The following ARHGEF26 variants were observed in gnomAD, a reference collection of about 807,000 sequenced individuals.
ARHGEF26 encodes the protein Rho guanine nucleotide exchange factor 26, also known as Rho guanine nucleotide exchange factor (GEF) 26.
Under a neutral mutation model 89.4 loss-of-function variants are expected in ARHGEF26, and 59 were observed. That is an observed-to-expected ratio of 0.66 (90% confidence interval 0.54 to 0.82). ARHGEF26 has a LOEUF of 0.82. ARHGEF26 is among the 40% of genes least tolerant of loss of function. The probability of loss-of-function intolerance (pLI) is 0.00; values close to 1 mark genes in which losing one functional copy is unlikely to be tolerated. For missense variants in ARHGEF26, 1,234 were observed against 1,085.6 expected, an observed-to-expected ratio of 1.14 and a Z score of -1.92; for synonymous variants, 500 against 428.4, an observed-to-expected ratio of 1.17 and a Z score of -2.06.
At chr3:154,188,910 A>G (rs887816032) in intron 7 of ARHGEF26, among the ~76,000 whole-genome samples, 8 of 152,160 alleles carry the variant, frequency 5.3e-5, no homozygotes, top group Non-Finnish European at 1.2e-4. Flanking sequence ...CGCACAATTG[A>G]CATTTTGGAC....
chr3:154,146,418 T>TG (rs1222461805), intron 4 of ARHGEF26, among the ~76,000 whole-genome samples: 1 of 86,068 alleles, frequency 1.2e-5, no homozygotes, highest in Non-Finnish European at 3.2e-5. Context: ...TGATTTTAGG[T>TG]GGAGTGTCTA....
intron 10 of ARHGEF26, among the ~76,000 whole-genome samples, chr3:154,218,556 C>G (rs969545584): frequency 2.6e-5 from 4 of 152,146 alleles, no homozygotes; most frequent in African/African-American, 9.7e-5. Flanking sequence ...TGGCTCATGG[C>G]TGAGTTTTTA....
intron 7 of ARHGEF26, among the ~76,000 whole-genome samples, chr3:154,188,250 C>T (rs1002816170): frequency 6.6e-6 from 1 of 152,156 alleles, no homozygotes; most frequent in East Asian, 1.9e-4. Flanking sequence ...TCTGATCTCC[C>T]TCCATTCAAT....
At chr3:154,127,448 A>G (rs1718399356) in intron 3 of ARHGEF26, among the ~76,000 whole-genome samples, 1 of 152,154 alleles carries the variant, frequency 6.6e-6, no homozygotes, top group Non-Finnish European at 1.5e-5. Context: ...GCACAGGGTC[A>G]GAATCATCAA....
In ARHGEF26 at chr3:154,121,943, C is replaced by A. The variant is rs1262823678; in HGVS notation, c.-50C>A. On this transcript the variant is annotated splice_region_variant and 5_prime_UTR_variant, in exon 2 of 15. Coordinates refer to ENST00000465093, the MANE Select transcript of ARHGEF26 (RefSeq NM_015595.4). ...TTTCCTAACTTCTTTCCTCTTTAGGCAAGACTAACTCGGTGTTGCTCCTCC... is the reference window on the plus strand; with the variant it reads ...TTTCCTAACTTCTTTCCTCTTTAGGAAAGACTAACTCGGTGTTGCTCCTCC... 5.9e-6 allele frequency: 9 copies of A among 1,534,148 alleles called. No homozygotes were observed. Among genetic ancestry groups the A allele is most frequent in the Non-Finnish European group, 7.9e-6 (9 of 1,137,674 alleles).
chr3:154,250,388 G>C (rs972351763), intron 12 of ARHGEF26, among the ~76,000 whole-genome samples: 69 of 151,930 alleles, frequency 4.5e-4, no homozygotes, highest in Non-Finnish European at 9.6e-4. Context: ...TCTAAGAGGG[G>C]GGGGTGGGAC....
At chr3:154,175,583 C>T (rs930605929) in intron 6 of ARHGEF26, among the ~76,000 whole-genome samples, 7 of 152,176 alleles carry the variant, frequency 4.6e-5, no homozygotes, top group African/African-American at 9.7e-5. Flanking sequence ...TTTCATGAAG[C>T]TAATTGCCTC....
rs747174165 is a variant in ARHGEF26, at chr3:154,138,585, C to T, written c.1269+8866C>T. Among the ~76,000 whole-genome samples, 60 of 152,086 alleles carry T rather than the reference C, an allele frequency of 3.9e-4. No individual in the cohort carries two copies. In the Middle Eastern group the frequency reaches 0.021, roughly 52 times the overall value. The stretch of plus-strand genomic sequence containing the variant: ...TATGGGGGTGTGTGCACCAGTTGCC[C>T]GAGGGTAGGCAGAGATCAGAAATGA... On this transcript the variant is annotated intron_variant, in intron 4 of 14. Coordinates refer to ENST00000465093, the MANE Select transcript of ARHGEF26 (RefSeq NM_015595.4).
At chr3:154,153,445 C>T (rs983798610) in intron 6 of ARHGEF26, among the ~76,000 whole-genome samples, 1 of 151,932 alleles carries the variant, frequency 6.6e-6, no homozygotes, top group Non-Finnish European at 1.5e-5. Flanking sequence ...ATTTACTTAT[C>T]TATTATTTTT....
At chr3:154,153,029 C>A in intron 6 of ARHGEF26, 97 bp downstream of exon 6, 1 of 1,143,492 alleles carries the variant, frequency 8.7e-7, no homozygotes, top group Non-Finnish European at 1.2e-6. Context: ...GTTATCAAGT[C>A]TCATTCAGTT....
intron 4 of ARHGEF26, among the ~76,000 whole-genome samples, chr3:154,136,941 C>T (rs993642805): frequency 1.3e-5 from 2 of 152,106 alleles, no homozygotes; most frequent in South Asian, 2.1e-4. Context: ...ACATTTAGCT[C>T]ACATCATGGT....
At chr3:154,172,684 ACT>A (rs1386206630) in intron 6 of ARHGEF26, among the ~76,000 whole-genome samples, 1 of 152,144 alleles carries the variant, frequency 6.6e-6, no homozygotes, top group African/African-American at 2.4e-5. Flanking sequence ...ACAGAGCAAG[ACT>A]CTGTCTCAAA....
chr3:154,150,805 C>T (rs1414150656), intron 5 of ARHGEF26, among the ~76,000 whole-genome samples: 1 of 152,086 alleles, frequency 6.6e-6, no homozygotes, highest in Non-Finnish European at 1.5e-5. Flanking sequence ...CTATCATATT[C>T]TGAAAATATT....
chr3:154,225,524 A>C (rs1291879589), intron 10 of ARHGEF26, among the ~76,000 whole-genome samples: 1 of 152,124 alleles, frequency 6.6e-6, no homozygotes, highest in African/African-American at 2.4e-5. Context: ...AGGCTTTTCA[A>C]TTGTAAATAA....
chr3:154,149,924 G>GT (rs1267982675), intron 5 of ARHGEF26, among the ~76,000 whole-genome samples: 2 of 134,168 alleles, frequency 1.5e-5, no homozygotes, highest in African/African-American at 5.6e-5. Context: ...AGTTTATTTA[G>GT]TAAAAAAAAA....
intron 6 of ARHGEF26, among the ~76,000 whole-genome samples, chr3:154,167,730 G>C (rs1712135359): frequency 6.6e-6 from 1 of 152,180 alleles, no homozygotes; most frequent in South Asian, 2.1e-4. Context: ...TAGTTTGAAT[G>C]CATAATTCTT....
chr3:154,170,976 G>T (rs1712400131), intron 6 of ARHGEF26, among the ~76,000 whole-genome samples: 1 of 152,146 alleles, frequency 6.6e-6, no homozygotes, highest in Admixed American at 6.6e-5. Flanking sequence ...GAAGTAAGTT[G>T]AAAAACTCCC....
At chr3:154,160,354 A>G (rs1711583880) in intron 6 of ARHGEF26, among the ~76,000 whole-genome samples, 1 of 152,186 alleles carries the variant, frequency 6.6e-6, no homozygotes, top group Admixed American at 6.6e-5. Flanking sequence ...TAATAGATGC[A>G]GTCCTTTGGA....
intron 7 of ARHGEF26, among the ~76,000 whole-genome samples, chr3:154,188,425 C>T (rs376410617): frequency 6.6e-6 from 1 of 152,152 alleles, no homozygotes; most frequent in South Asian, 2.1e-4. Flanking sequence ...GATTTCCTGC[C>T]ACATCTTTTC....
Sources: allele counts gnomAD v4.1 joint callset (sites outside exome capture counted in the v4.1 genomes callset), GRCh38; gene constraint gnomAD v4.1.1; transcripts MANE v1.5; gene names NCBI Gene and HGNC (gene_info 2026-07-23, HGNC 2026-07-21).